Variants in LHFPL3 observed in about 807,000 individuals in gnomAD.
LHFPL3 encodes the protein LHFPL tetraspan subfamily member 3 protein.
Under a neutral mutation model 19.3 loss-of-function variants are expected in LHFPL3, and 5 were observed. That is an observed-to-expected ratio of 0.26 (90% CI 0.14 to 0.54). LHFPL3 has a LOEUF of 0.54. Ranked by LOEUF, LHFPL3 falls within the 20% of genes least tolerant of loss-of-function variation. The pLI, the probability that LHFPL3 is intolerant of heterozygous loss-of-function variation, is 0.94. For missense variants in LHFPL3, 249 were observed against 307.4 expected (o/e 0.81, Z 1.42); for synonymous variants, 133 against 126.2 (o/e 1.05, Z -0.36).
intron 1 of LHFPL3, among the ~76,000 whole-genome samples, chr7:104,713,896 G>T (rs886712276): frequency 1.3e-5 from 2 of 152,066 alleles, no homozygotes; most frequent in African/African-American, 4.8e-5. Flanking sequence ...CAAATCTCAG[G>T]CTCCCTGCTC....
At chr7:104,854,987 T>G (rs1050078670) in intron 2 of LHFPL3, among the ~76,000 whole-genome samples, 1 of 143,416 alleles carries the variant, frequency 7.0e-6, no homozygotes, top group Non-Finnish European at 1.5e-5. Flanking sequence ...CTCAGTAAGC[T>G]CTTTAGTCTG....
intron 1 of LHFPL3, among the ~76,000 whole-genome samples, chr7:104,466,042 T>C (rs1219502242): frequency 6.6e-6 from 1 of 152,338 alleles, no homozygotes; most frequent in Non-Finnish European, 1.5e-5. Flanking sequence ...TATATTATGT[T>C]GTTTTTGGGT....
chr7:104,548,691 A>G (rs1226879131), intron 1 of LHFPL3, among the ~76,000 whole-genome samples: 2 of 152,210 alleles, frequency 1.3e-5, no homozygotes, highest in Non-Finnish European at 2.9e-5. Context: ...TGGATTTGTT[A>G]GCCAGCCCAG....
chr7:104,455,149 G>A (rs1231657963), intron 1 of LHFPL3, among the ~76,000 whole-genome samples: 1 of 152,182 alleles, frequency 6.6e-6, no homozygotes, highest in Non-Finnish European at 1.5e-5. Context: ...CAACATTGAT[G>A]TATAGGCAGC....
At chr7:104,331,937 G>A (rs1217879368) in intron 1 of LHFPL3, among the ~76,000 whole-genome samples, 2 of 150,944 alleles carry the variant, frequency 1.3e-5, no homozygotes, top group Admixed American at 6.6e-5. Flanking sequence ...GAAACAGAGC[G>A]AGACCCCATC....
chr7:104,460,165 A>T (rs748095801), intron 1 of LHFPL3, among the ~76,000 whole-genome samples: 1 of 152,160 alleles, frequency 6.6e-6, no homozygotes, highest in Non-Finnish European at 1.5e-5. Context: ...CCATGTTCCC[A>T]TAGAAGACAT....
intron 1 of LHFPL3, among the ~76,000 whole-genome samples, chr7:104,632,860 G>T (rs1167504228): frequency 2.0e-5 from 3 of 152,142 alleles, no homozygotes; most frequent in Non-Finnish European, 4.4e-5. Flanking sequence ...TTGCTATATT[G>T]CCCAGGCTGG....
chr7:104,587,086 T>C (rs910823596), intron 1 of LHFPL3, among the ~76,000 whole-genome samples: 3 of 152,074 alleles, frequency 2.0e-5, no homozygotes, highest in East Asian at 1.9e-4. Flanking sequence ...CATTCATTCA[T>C]TTAGCCTGTT....
chr7:104,430,365 T>C (rs1791935480), intron 1 of LHFPL3, among the ~76,000 whole-genome samples: 1 of 122,346 alleles, frequency 8.2e-6, no homozygotes, highest in Non-Finnish European at 1.7e-5. Context: ...TTTGCATTTC[T>C]GTGGGTATAT....
chr7:104,390,290 A>G (rs2116470234), intron 1 of LHFPL3, among the ~76,000 whole-genome samples: 1 of 151,930 alleles, frequency 6.6e-6, no homozygotes, highest in South Asian at 2.1e-4. Flanking sequence ...TGCACCCTTT[A>G]ACTTGTCATT....
rs368986934 is a variant in LHFPL3 at position 104,789,200 on chromosome 7, A to T, written c.682+52289A>T. Among the ~76,000 whole-genome samples, 35 of 152,316 alleles carry T rather than the reference A, an allele frequency of 2.3e-4. 1 individual carries two copies. The highest frequency in any genetic ancestry group is 7.9e-4 in the African/African-American group (33 of 41,582). Reference sequence around the variant, plus strand: ...GCTCATCTTCCATAAATGGGAAGGAAGACCAATAGCCAGCCTGAACTGTTT... The same window carrying T: ...GCTCATCTTCCATAAATGGGAAGGATGACCAATAGCCAGCCTGAACTGTTT... On this transcript the variant is annotated intron_variant, in intron 2 of 2. Coordinates refer to ENST00000424859, the MANE Select transcript of LHFPL3 (RefSeq NM_199000.3).
intron 1 of LHFPL3, among the ~76,000 whole-genome samples, chr7:104,577,469 C>A (rs117203328): frequency 6.6e-6 from 1 of 151,988 alleles, no homozygotes; most frequent in Non-Finnish European, 1.5e-5. Context: ...TACACACACA[C>A]GTATATATAC....
intron 1 of LHFPL3, among the ~76,000 whole-genome samples, chr7:104,647,525 A>G (rs1225486197): frequency 6.6e-6 from 1 of 152,260 alleles, no homozygotes; most frequent in Non-Finnish European, 1.5e-5. Context: ...ACATACTTAC[A>G]GGGTTATTCC....
At chr7:104,890,455 C>T (rs1464018257) in intron 2 of LHFPL3, among the ~76,000 whole-genome samples, 6 of 152,200 alleles carry the variant, frequency 3.9e-5, no homozygotes, top group Non-Finnish European at 5.9e-5. Flanking sequence ...CCAGTTGCTG[C>T]CTTGAGCAGT....
intron 1 of LHFPL3, among the ~76,000 whole-genome samples, chr7:104,537,997 C>T (rs1016583992): frequency 2.6e-5 from 4 of 152,136 alleles, no homozygotes; most frequent in African/African-American, 9.7e-5. Flanking sequence ...AAGGTTTCTC[C>T]TGTGAGGGAT....
Position 104,775,120 on chromosome 7 carries a change from G to A in LHFPL3, c.682+38209G>A, listed in dbSNP as rs542494482. Reference sequence around the variant, plus strand: ...CAATTAAATATAGCTGACTGGGCACGGTGGCTCATGCCTGTAATTCTAGCA... The same window carrying A: ...CAATTAAATATAGCTGACTGGGCACAGTGGCTCATGCCTGTAATTCTAGCA... On this transcript the variant is annotated intron_variant, in intron 2 of 2. Coordinates refer to ENST00000424859, the MANE Select transcript of LHFPL3 (RefSeq NM_199000.3). 3.2e-4 allele frequency among the ~76,000 whole-genome samples: 48 copies of A among 152,288 alleles called. No individual in the cohort carries two copies. In the South Asian group the frequency reaches 6.4e-3, roughly 20 times the overall value.
rs1434058475 is a variant in LHFPL3, at chr7:104,439,584, T to C, written c.445+110360T>C. 2.0e-5 allele frequency among the ~76,000 whole-genome samples: 3 copies of C among 152,236 alleles called. No individual in the cohort carries two copies. In the East Asian group the frequency reaches 5.8e-4, roughly 29 times the overall value. ...CATGCCATAAGATTATCAAATACCA[T>C]ATGATTATCTCTTTCTGTATTGATG... is the stretch of plus-strand genomic sequence containing the variant. On this transcript the variant is annotated intron_variant, in intron 1 of 2. Transcript: ENST00000424859.
At chr7:104,518,508 C>G in intron 1 of LHFPL3, among the ~76,000 whole-genome samples, 1 of 46,426 alleles carries the variant, frequency 2.2e-5, no homozygotes, top group Non-Finnish European at 3.8e-5. Flanking sequence ...TTAAATTCTA[C>G]TACTGGACAC....
At chr7:104,532,073 T>A (rs1003366899) in intron 1 of LHFPL3, among the ~76,000 whole-genome samples, 5 of 152,256 alleles carry the variant, frequency 3.3e-5, no homozygotes, top group African/African-American at 1.2e-4. Flanking sequence ...TACACACTTC[T>A]TTTCTCTCCT....
Sources: allele counts gnomAD v4.1 joint callset (sites outside exome capture counted in the v4.1 genomes callset), GRCh38; gene constraint gnomAD v4.1.1; transcripts MANE v1.5; gene names NCBI Gene and HGNC (gene_info 2026-07-23, HGNC 2026-07-21).